The following CEACAM18 variants were observed in gnomAD, a reference collection of about 807,000 sequenced individuals.
CEACAM18 encodes the protein cell adhesion molecule CEACAM18.
Under a neutral mutation model 34.3 loss-of-function variants are expected in CEACAM18, and 33 were observed. That is an observed-to-expected ratio of 0.96 (90% CI 0.73 to 1.29). The LOEUF (loss-of-function observed/expected upper bound fraction) is 1.29, where lower values mean the gene tolerates loss of function less well. CEACAM18 is among the 50% of genes most tolerant of loss of function. The pLI, the probability that CEACAM18 is intolerant of heterozygous loss-of-function variation, is 0.00. For missense variants in CEACAM18, 474 were observed against 485.0 expected, an observed-to-expected ratio of 0.98 and a Z score of 0.21; for synonymous variants, 169 against 180.9, an observed-to-expected ratio of 0.93 and a Z score of 0.53.
At chr19:51,485,420 G>C (rs1478965212) in intron 5 of CEACAM18, among the ~76,000 whole-genome samples, 1 of 152,218 alleles carries the variant, frequency 6.6e-6, no homozygotes, top group Non-Finnish European at 1.5e-5. Flanking sequence ...GTAAAAAAAT[G>C]AGAGGTCTGC....
chr19:51,485,986 T>C (rs1429490892), intron 5 of CEACAM18, among the ~76,000 whole-genome samples: 3 of 152,178 alleles, frequency 2.0e-5, no homozygotes, highest in African/African-American at 7.2e-5. Flanking sequence ...AGTGCAGTGA[T>C]GCTTGGGAGG....
chr19:51,478,667 A>G, exon 1 of CEACAM18: 1 of 1,498,432 alleles, frequency 6.7e-7, no homozygotes, highest in Non-Finnish European at 8.9e-7. Context: ...ACCCAGATGG[A>G]GCCTGTGGAG....
chr19:51,480,417 T>C (rs1193590294), exon 2 of CEACAM18: 4 of 1,613,258 alleles, frequency 2.5e-6, no homozygotes, highest in Non-Finnish European at 3.4e-6. Context: ...TATCGGACTG[T>C]CGTGGCCCTG....
At chr19:51,485,048 C>G (rs1989977027) in exon 5 of CEACAM18, 8 of 1,535,938 alleles carry the variant, frequency 5.2e-6, no homozygotes, top group Non-Finnish European at 6.1e-6. Flanking sequence ...TGTTCCTCAT[C>G]ATGCTGACAG....
chr19:51,489,956 CT>C (rs1296342231), intron 5 of CEACAM18, among the ~76,000 whole-genome samples: 1 of 152,218 alleles, frequency 6.6e-6, no homozygotes, highest in Non-Finnish European at 1.5e-5. Flanking sequence ...AAGAACCCCC[CT>C]GGCCTGGCAG....
chr19:51,478,574 T>A, upstream of CEACAM18: 4 of 1,401,872 alleles, frequency 2.9e-6, no homozygotes, highest in Non-Finnish European at 4.0e-6. Context: ...GACACAGGTC[T>A]TGGAGGGAGC....
At chr19:51,488,439 G>A (rs1427151539) in intron 5 of CEACAM18, among the ~76,000 whole-genome samples, 2 of 152,206 alleles carry the variant, frequency 1.3e-5, no homozygotes, top group Non-Finnish European at 2.9e-5. Flanking sequence ...GCACAGACAG[G>A]CTGACTCCCT....
At chr19:51,483,029 A>G in exon 4 of CEACAM18, 1 of 1,613,932 alleles carries the variant, frequency 6.2e-7, no homozygotes, top group Non-Finnish European at 8.5e-7. Context: ...GGGCCCGACT[A>G]TGTGCTGCTG....
At chr19:51,479,777 A>G (rs1320161896) in intron 1 of CEACAM18, among the ~76,000 whole-genome samples, 2 of 152,196 alleles carry the variant, frequency 1.3e-5, no homozygotes, top group Admixed American at 6.5e-5. Context: ...AGTTAGGAGA[A>G]GGTGTGGTGC....
chr19:51,490,495 G>C, intron 5 of CEACAM18, 92 bp from the exon 6 acceptor site: 3 of 1,106,330 alleles, frequency 2.7e-6, no homozygotes, highest in Non-Finnish European at 3.4e-6. Flanking sequence ...GACTTGGTGG[G>C]AAGTCGGGCC....
At chr19:51,482,889 G>A in intron 3 of CEACAM18, 128 bp from the exon 4 acceptor site, 1 of 1,009,518 alleles carries the variant, frequency 9.9e-7, no homozygotes, top group South Asian at 1.5e-5. Flanking sequence ...CAGCTGCCTT[G>A]CCTGGGGCAG....
chr19:51,480,546 C>A (rs759757531), exon 2 of CEACAM18: 2 of 1,614,018 alleles, frequency 1.2e-6, no homozygotes, highest in Non-Finnish European at 1.7e-6. Context: ...CCCATGTACA[C>A]TGGCAGGGAG....
exon 6 of CEACAM18, chr19:51,490,705 A>G (rs1403188666): frequency 3.8e-6 from 4 of 1,043,972 alleles, no homozygotes; most frequent in Non-Finnish European, 3.7e-6. Flanking sequence ...GCGAGGCTGA[A>G]AAGGGTCCAG....
chr19:51,489,249 G>T (rs1445090080), intron 5 of CEACAM18, among the ~76,000 whole-genome samples: 1 of 150,328 alleles, frequency 6.7e-6, no homozygotes, highest in Non-Finnish European at 1.5e-5. Flanking sequence ...CAGTTTCTCG[G>T]TCCCCCCACA....
At chr19:51,485,030 C>T in exon 5 of CEACAM18, 1 of 1,536,052 alleles carries the variant, frequency 6.5e-7, no homozygotes, top group East Asian at 2.4e-5. Flanking sequence ...TCTCAGGATC[C>T]ATGGTGATGT....
At chr19:51,487,562 C>T (rs775308173) in intron 5 of CEACAM18, among the ~76,000 whole-genome samples, 12 of 152,074 alleles carry the variant, frequency 7.9e-5, no homozygotes, top group East Asian at 5.8e-4. Context: ...GTCGGGAGTT[C>T]GAGACCAGCC....
rs150003337 is a variant in CEACAM18, at chr19:51,490,761, C to T, written c.*109C>T. 595 of 540,242 alleles carry T rather than the reference C, an allele frequency of 1.1e-3. 3 individuals are homozygous for T. The East Asian group carries it at 0.012, about 11-fold the overall frequency. The allele number at this position is 540,242 out of a possible 1,614,324, so 33.5% of individuals were successfully genotyped here. On this transcript the variant is annotated 3_prime_UTR_variant, in exon 6 of 6. Transcript: ENST00000396477. ...GCAAGAGAGGGACCCAGCCCAGTCA[C>T]ACGGAAGCCTGGAGATGGAGGCTCC... is the stretch of plus-strand genomic sequence containing the variant.
At chr19:51,482,815 A>G (rs1989939068) in intron 3 of CEACAM18, among the ~76,000 whole-genome samples, 1 of 152,224 alleles carries the variant, frequency 6.6e-6, no homozygotes, top group African/African-American at 2.4e-5. Flanking sequence ...AAATGGCACC[A>G]TGGGCCTGGC....
At position 51,480,310 on chromosome 19, in the gene CEACAM18, T is replaced by C. The variant is rs1989887766; in HGVS notation, c.53-23T>C. ...GAATCTCTTTGTGAATTTCTCTCTG[T>C]CTTTTTTCCTTGTCTTCTTCAGCCA... On this transcript the variant is annotated intron_variant, in intron 1 of 5. Transcript: ENST00000396477. 1.9e-6 allele frequency: 3 copies of C among 1,545,574 alleles called. No individual in the cohort carries two copies. In the South Asian group the frequency reaches 3.5e-5, roughly 18 times the overall value.
Sources: allele counts gnomAD v4.1 joint callset (sites outside exome capture counted in the v4.1 genomes callset), GRCh38; gene constraint gnomAD v4.1.1; transcripts MANE v1.5; gene names NCBI Gene and HGNC (gene_info 2026-07-23, HGNC 2026-07-21).